The following SLC30A6 variants were observed in gnomAD, a reference collection of about 807,000 sequenced individuals.
SLC30A6 encodes the protein zinc transporter 6.
Under a neutral mutation model 63.0 loss-of-function variants are expected in SLC30A6, and 55 were observed. That is an observed-to-expected ratio of 0.87 (90% CI 0.70 to 1.09). The LOEUF is 1.09. Ranked by LOEUF, SLC30A6 falls within the 50% of genes least tolerant of loss-of-function variation. The pLI, the probability that SLC30A6 is intolerant of heterozygous loss-of-function variation, is 0.00. For synonymous variants in SLC30A6, 224 were observed against 186.1 expected (o/e 1.20, Z -1.66); for missense variants, 587 against 549.2 (o/e 1.07, Z -0.69).
intron 5 of SLC30A6, among the ~76,000 whole-genome samples, chr2:32,184,879 A>C (rs979552137): frequency 3.9e-5 from 6 of 152,380 alleles, no homozygotes; most frequent in South Asian, 2.1e-4. Context: ...TATTTTAAAA[A>C]GTTCACGTTA....
chr2:32,171,064 C>T (rs1439072558), intron 1 of SLC30A6, among the ~76,000 whole-genome samples: 2 of 152,200 alleles, frequency 1.3e-5, no homozygotes, highest in African/African-American at 2.4e-5. Context: ...TTTACTAGCT[C>T]TGTGACTTTG....
rs941783465 is a variant in SLC30A6 at position 32,222,365 on chromosome 2, C to A, written c.*1652C>A. 6.6e-6 allele frequency: 1 copy of A among 152,136 alleles called. No individual in the cohort carries two copies. The highest frequency in any genetic ancestry group is 1.5e-5 in the Non-Finnish European group (1 of 68,022). The allele number at this position is 152,136 out of a possible 1,614,324, so 9.4% of individuals were successfully genotyped here. Reference sequence around the variant, plus strand: ...TGCTCCTGGAGATTTATGACTTTCCCAGCCATCAGCCAGCTATCTAGAGAA... The same window carrying A: ...TGCTCCTGGAGATTTATGACTTTCCAAGCCATCAGCCAGCTATCTAGAGAA... On this transcript the variant is annotated 3_prime_UTR_variant, in exon 14 of 14. Transcript: ENST00000282587.
chr2:32,183,126 G>A (rs1013409581), intron 4 of SLC30A6, among the ~76,000 whole-genome samples: 6 of 151,750 alleles, frequency 4.0e-5, no homozygotes, highest in Admixed American at 1.3e-4. Context: ...GGCGGAGGTT[G>A]CAGTGAGCCG....
chr2:32,201,619 G>A (rs1362457011), intron 10 of SLC30A6: 35 of 1,512,642 alleles, frequency 2.3e-5, no homozygotes, highest in East Asian at 2.0e-4. Flanking sequence ...AAACTCCTCT[G>A]GGGGTACATT....
At chr2:32,175,658 C>T (rs535929056) in intron 4 of SLC30A6, among the ~76,000 whole-genome samples, 1 of 152,224 alleles carries the variant, frequency 6.6e-6, no homozygotes, top group African/African-American at 2.4e-5. Flanking sequence ...AACAAACACA[C>T]AAACAACAAT....
At chr2:32,174,211 A>C in intron 3 of SLC30A6, 64 bp downstream of exon 3, 6 of 1,198,728 alleles carry the variant, frequency 5.0e-6, no homozygotes, top group Non-Finnish European at 7.3e-6. Flanking sequence ...ATTGGAAATA[A>C]AGGTATATCT....
rs905436559 is a variant in SLC30A6, at chr2:32,192,322, T to G, written c.285-14T>G. Reference sequence around the variant, plus strand: ...GAAAGAATTGTGATGATCTAATTAATGTTTTGGTTTCAGGTTTGAAAGATT... The same window carrying G: ...GAAAGAATTGTGATGATCTAATTAAGGTTTTGGTTTCAGGTTTGAAAGATT... On this transcript the variant is annotated splice_polypyrimidine_tract_variant and intron_variant, in intron 5 of 13. Coordinates refer to ENST00000282587, the MANE Select transcript of SLC30A6 (RefSeq NM_017964.5). 6.2e-7 allele frequency: 1 copy of G among 1,612,236 alleles called. No homozygotes were observed. Among genetic ancestry groups the G allele is most frequent in the Admixed American group, 1.7e-5 (1 of 60,010 alleles).
chr2:32,200,123 A>G (rs1044444763), intron 10 of SLC30A6, among the ~76,000 whole-genome samples: 10 of 152,010 alleles, frequency 6.6e-5, no homozygotes, highest in Non-Finnish European at 1.5e-4. Context: ...TGATATATAT[A>G]TATAAACATA....
At chr2:32,213,052 C>T (rs1411465250) in intron 13 of SLC30A6, among the ~76,000 whole-genome samples, 1 of 151,876 alleles carries the variant, frequency 6.6e-6, no homozygotes, top group African/African-American at 2.4e-5. Context: ...ATTACAGGTA[C>T]ACGCCACCAT....
chr2:32,208,310 T>C (rs1259390979), intron 12 of SLC30A6, among the ~76,000 whole-genome samples: 3 of 151,988 alleles, frequency 2.0e-5, no homozygotes, highest in Non-Finnish European at 4.4e-5. Context: ...TTTGTATTTT[T>C]AGTAGAGACG....
chr2:32,176,584 GGAGGCAGA>G (rs1681764496), intron 4 of SLC30A6, among the ~76,000 whole-genome samples: 4 of 151,420 alleles, frequency 2.6e-5, no homozygotes, highest in Non-Finnish European at 2.9e-5. Flanking sequence ...CTTGAACCTG[GGAGGCAGA>G]GGTTGCAGTG....
chr2:32,197,180 G>A, intron 8 of SLC30A6, 164 bp from the exon 9 acceptor site: 1 of 613,272 alleles, frequency 1.6e-6, no homozygotes, highest in South Asian at 2.2e-5. Flanking sequence ...AGTGGCATAA[G>A]GGCATAAAAG....
At chr2:32,217,784 G>A (rs1685830572) in intron 13 of SLC30A6, among the ~76,000 whole-genome samples, 1 of 150,938 alleles carries the variant, frequency 6.6e-6, no homozygotes. Context: ...TCACCTCTTT[G>A]GTTAGATGTA....
chr2:32,203,429 T>A, intron 10 of SLC30A6: 2 of 1,479,188 alleles, frequency 1.4e-6, no homozygotes, highest in South Asian at 2.3e-5. Context: ...TGCTGTTGAT[T>A]TTTTCCAACC....
At chr2:32,203,370 A>C in intron 10 of SLC30A6, 1 of 1,027,166 alleles carries the variant, frequency 9.7e-7, no homozygotes, top group Non-Finnish European at 1.5e-6. Context: ...GATTTAGTTA[A>C]ATCTAAAAGC....
chr2:32,177,754 A>C (rs893490557), intron 4 of SLC30A6, among the ~76,000 whole-genome samples: 1 of 151,918 alleles, frequency 6.6e-6, no homozygotes, highest in Non-Finnish European at 1.5e-5. Flanking sequence ...TCAGCCTCCC[A>C]AAGTGCTGGG....
At chr2:32,210,880 C>G (rs141089182) in intron 13 of SLC30A6, among the ~76,000 whole-genome samples, 18 of 152,280 alleles carry the variant, frequency 1.2e-4, no homozygotes, top group African/African-American at 4.1e-4. Context: ...AACATCCCCT[C>G]CCTCCTTACT....
At chr2:32,213,563 C>A (rs1330673919) in intron 13 of SLC30A6, among the ~76,000 whole-genome samples, 4 of 152,038 alleles carry the variant, frequency 2.6e-5, no homozygotes, top group African/African-American at 9.7e-5. Flanking sequence ...GAAGGTCTTA[C>A]ACCTTTTATT....
chr2:32,201,746 G>C (rs960206206), intron 10 of SLC30A6: 2 of 1,353,392 alleles, frequency 1.5e-6, no homozygotes, highest in Non-Finnish European at 2.1e-6. Flanking sequence ...CCCTTATATG[G>C]TTTTTATGAA....
Sources: allele counts gnomAD v4.1 joint callset (sites outside exome capture counted in the v4.1 genomes callset), GRCh38; gene constraint gnomAD v4.1.1; transcripts MANE v1.5; gene names NCBI Gene and HGNC (gene_info 2026-07-23, HGNC 2026-07-21).